The following ZNF550 variants were observed in gnomAD, a reference collection of about 807,000 sequenced individuals.
ZNF550 encodes the protein zinc finger protein 550.
Under a neutral mutation model 40.2 loss-of-function variants are expected in ZNF550, and 42 were observed. The ratio of observed to expected loss-of-function variants is 1.05; its 90% CI spans 0.82 to 1.35. The LOEUF is 1.35. Ranked by LOEUF, ZNF550 falls within the 40% of genes most tolerant of loss-of-function variation. The pLI is 0.00. For synonymous variants in ZNF550, 223 were observed against 198.6 expected (o/e 1.12, Z -1.03); for missense variants, 549 against 525.2 (o/e 1.05, Z -0.44).
chr19:57,545,278 T>C (rs922093025), intron 4 of ZNF550, among the ~76,000 whole-genome samples: 3 of 152,218 alleles, frequency 2.0e-5, no homozygotes, highest in African/African-American at 7.2e-5. Flanking sequence ...TTCACGCAAA[T>C]GTTTATAAGA....
chr19:57,552,813 A>T, intron 2 of ZNF550, 91 bp from the exon 3 acceptor site: 1 of 909,870 alleles, frequency 1.1e-6, no homozygotes, highest in Non-Finnish European at 1.7e-6. Flanking sequence ...CAGGGTCCAG[A>T]CATGAATGCA....
intron 4 of ZNF550, chr19:57,543,665 G>A (rs1047674850): frequency 2.0e-6 from 2 of 984,786 alleles, no homozygotes; most frequent in South Asian, 9.4e-5. Context: ...GCCGGGCACG[G>A]TGGCTCACGC....
At chr19:57,547,020 G>T (rs2090016951) in exon 4 of ZNF550, 4 of 1,613,512 alleles carry the variant, frequency 2.5e-6, no homozygotes, top group Non-Finnish European at 3.4e-6. Context: ...ACCTGCGTTT[G>T]AAGGCCTTCC....
At chr19:57,559,607 C>A in intron 1 of ZNF550, 49 bp downstream of exon 1, 1 of 1,449,726 alleles carries the variant, frequency 6.9e-7, no homozygotes, top group South Asian at 1.3e-5. Context: ...TCGTCGGGCC[C>A]GGGACACTGA....
chr19:57,556,060 A>C, intron 2 of ZNF550, 171 bp downstream of exon 2: 1 of 802,910 alleles, frequency 1.2e-6, no homozygotes, highest in Non-Finnish European at 2.0e-6. Context: ...GTTTGTGTTA[A>C]AAGGACATTT....
At chr19:57,541,877 CTTCCA>C (rs1371648964) in exon 5 of ZNF550, 6 of 152,206 alleles carry the variant, frequency 3.9e-5, no homozygotes, top group African/African-American at 1.4e-4. Context: ...CAATTAAATA[CTTCCA>C]TTCCATAAAC....
chr19:57,547,172 G>A (rs754593404), exon 4 of ZNF550: 1 of 1,611,520 alleles, frequency 6.2e-7, no homozygotes, highest in Admixed American at 1.7e-5. Flanking sequence ...TGCTGTATGA[G>A]TTCTGAGCTG....
Position 57,556,305 on chromosome 19 carries a change from C to CT in ZNF550, c.79dup (p.Arg27LysfsTer59). 3 of 1,614,136 alleles carry CT rather than the reference C, an allele frequency of 1.9e-6. No individual in the cohort carries two copies. The highest frequency in any genetic ancestry group is 2.5e-6 in the Non-Finnish European group (3 of 1,180,004). On this transcript the variant is annotated frameshift_variant, in exon 2 of 5. Transcript: ENST00000457177. LOFTEE classifies it high-confidence loss of function. ...GGTCCTCTGGGCCAGGTCCAGCTGT[C>CT]TCCACTCCTCCCGGGTAAAGGTCAC...
chr19:57,555,652 A>T (rs2090113760), intron 2 of ZNF550: 1 of 156,996 alleles, frequency 6.4e-6, no homozygotes, highest in African/African-American at 2.4e-5. Flanking sequence ...GACTTTTATG[A>T]CAAGAATTAG....
chr19:57,544,085 C>T (rs2089986542), intron 4 of ZNF550: 2 of 985,462 alleles, frequency 2.0e-6, no homozygotes, highest in Non-Finnish European at 2.4e-6. Flanking sequence ...CACCTGTTCT[C>T]ATGTGTTTTT....
intron 1 of ZNF550, among the ~76,000 whole-genome samples, chr19:57,558,381 G>A (rs530402238): frequency 6.6e-6 from 1 of 152,328 alleles, no homozygotes; most frequent in South Asian, 2.1e-4. Context: ...GTACAGCCTT[G>A]CAGACCATGC....
chr19:57,553,769 G>A (rs1000003470), intron 2 of ZNF550: 4 of 152,150 alleles, frequency 2.6e-5, no homozygotes, highest in Admixed American at 1.3e-4. Flanking sequence ...ACCACTTGGG[G>A]ATGCGTGATT....
At position 57,547,367 on chromosome 19, in the gene ZNF550, G is replaced by A. The variant is rs563579417; in HGVS notation, c.877C>T (p.Arg293Ter). 21 of 1,612,114 alleles carry A rather than the reference G, an allele frequency of 1.3e-5. No individual in the cohort carries two copies. The East Asian group carries it at 1.8e-4, about 14-fold the overall frequency. Residue 293 changes from arginine to a stop codon, truncating the protein, a stop_gained, in exon 4 of 5, where the codon CGA becomes TGA. Coordinates refer to ENST00000457177, the Ensembl canonical transcript of ZNF550. LOFTEE classifies it high-confidence loss of function. Reference sequence around the variant, plus strand: ...GTAGACCGGTGGGTGAAGGCCTTTCGACATTGACTACACTCATAGGGTTTC... The same window carrying A: ...GTAGACCGGTGGGTGAAGGCCTTTCAACATTGACTACACTCATAGGGTTTC...
exon 5 of ZNF550, chr19:57,543,147 TCTTG>T (rs1045490706): frequency 4.3e-6 from 3 of 702,464 alleles, no homozygotes; most frequent in Admixed American, 6.3e-5. Context: ...GTGCTTTCCT[TCTTG>T]CTTCTTTCAT....
rs142851113 is a variant in ZNF550, at chr19:57,546,983, G to A, written c.1261C>T (p.His421Tyr). The A allele has an allele frequency of 2.9e-3, 4,736 of 1,610,328 alleles. 6 individuals carry two copies. The highest frequency in any genetic ancestry group is 5.7e-3 in the Middle Eastern group (33 of 5,780). ...GCAGCAATAGGGTTCTCTCATGTAT[G>A]GACCCTTTGGTGCTGCAGAAGGTGT... The change falls in exon 4 of 5, where the codon CAT (histidine) becomes TAT (tyrosine). Residue 421 changes from histidine to tyrosine, a missense_variant. Physicochemically the swap from His to Tyr is moderately conservative, Grantham distance 83. Coordinates refer to ENST00000457177, the Ensembl canonical transcript of ZNF550.
chr19:57,550,653 A>G (rs2090064671), intron 3 of ZNF550, among the ~76,000 whole-genome samples: 1 of 152,250 alleles, frequency 6.6e-6, no homozygotes, highest in African/African-American at 2.4e-5. Flanking sequence ...AGCTATTGAC[A>G]AAGACAGGGT....
exon 4 of ZNF550, chr19:57,546,526 T>C (rs988779048): frequency 1.1e-5 from 11 of 991,516 alleles, no homozygotes; most frequent in Non-Finnish European, 1.3e-5. Context: ...CATGGCTCTT[T>C]ATAGGACAAG....
chr19:57,542,222 G>A (rs1331835792), exon 5 of ZNF550: 1 of 151,090 alleles, frequency 6.6e-6, no homozygotes, highest in Non-Finnish European at 1.5e-5. Flanking sequence ...TCTAAATATT[G>A]TCTGGGACAC....
chr19:57,544,615 C>T (rs973312070), intron 4 of ZNF550: 1 of 985,134 alleles, frequency 1.0e-6, no homozygotes. Flanking sequence ...ACTCTTAACT[C>T]ACCAAGAATT....
Sources: allele counts gnomAD v4.1 joint callset (sites outside exome capture counted in the v4.1 genomes callset), GRCh38; gene constraint gnomAD v4.1.1; transcripts MANE v1.5; gene names NCBI Gene and HGNC (gene_info 2026-07-23, HGNC 2026-07-21).